NPFFR2: variants seen among roughly 807,000 people sequenced by gnomAD.
NPFFR2 encodes the protein G-protein coupled receptor 74.
A neutral mutation model predicts 13.1 loss-of-function variants in NPFFR2; 15 were observed. That is an observed-to-expected ratio of 1.15 (90% CI 0.77 to 1.76). The LOEUF is 1.76. NPFFR2 is among the 40% of genes most tolerant of loss of function. The probability of loss-of-function intolerance (pLI) is 0.00; values close to 1 mark genes in which losing one functional copy is unlikely to be tolerated. For missense variants in NPFFR2, 572 were observed against 503.5 expected (o/e 1.14, Z -1.30); for synonymous variants, 190 against 175.7 (o/e 1.08, Z -0.65).
At chr4:72,083,049 A>G (rs570201857) in intron 1 of NPFFR2, among the ~76,000 whole-genome samples, 1 of 151,704 alleles carries the variant, frequency 6.6e-6, no homozygotes, top group South Asian at 2.1e-4. Context: ...ATACATTCAT[A>G]TGTATATGTG....
intron 1 of NPFFR2, among the ~76,000 whole-genome samples, chr4:72,114,239 T>A (rs1222712551): frequency 6.6e-6 from 1 of 152,072 alleles, no homozygotes; most frequent in Non-Finnish European, 1.5e-5. Context: ...AGCACACAGA[T>A]CAAGAAATAT....
intron 1 of NPFFR2, among the ~76,000 whole-genome samples, chr4:72,049,040 A>C (rs1719466271): frequency 6.6e-6 from 1 of 152,098 alleles, no homozygotes; most frequent in Non-Finnish European, 1.5e-5. Flanking sequence ...AAAAGGAAGA[A>C]AGTTCTCATT....
At chr4:72,039,433 T>C in intron 1 of NPFFR2, 1 of 973,424 alleles carries the variant, frequency 1.0e-6, no homozygotes, top group Non-Finnish European at 1.2e-6. Flanking sequence ...CTTAATTGGG[T>C]TCTATTATGT....
chr4:72,049,939 G>A (rs555493041), intron 1 of NPFFR2, among the ~76,000 whole-genome samples: 5 of 151,958 alleles, frequency 3.3e-5, no homozygotes, highest in East Asian at 1.9e-4. Flanking sequence ...TTATGTCAAC[G>A]AAGTGACTTG....
intron 1 of NPFFR2, among the ~76,000 whole-genome samples, chr4:72,108,953 G>C (rs955454035): frequency 6.6e-6 from 1 of 151,998 alleles, no homozygotes; most frequent in Non-Finnish European, 1.5e-5. Flanking sequence ...TTCCTGGGAA[G>C]CATCATTTGC....
intron 1 of NPFFR2, among the ~76,000 whole-genome samples, chr4:72,044,188 C>G (rs1719314584): frequency 6.6e-6 from 1 of 152,166 alleles, no homozygotes; most frequent in African/African-American, 2.4e-5. Flanking sequence ...CCCACTCATG[C>G]AGAATTGTGA....
chr4:72,052,916 T>C (rs1719630437), intron 1 of NPFFR2, among the ~76,000 whole-genome samples: 1 of 151,934 alleles, frequency 6.6e-6, no homozygotes, highest in South Asian at 2.1e-4. Flanking sequence ...TTCAACCAAT[T>C]GACAATCAGA....
chr4:72,142,148 T>G (rs1302493728), intron 3 of NPFFR2, among the ~76,000 whole-genome samples: 1 of 152,220 alleles, frequency 6.6e-6, no homozygotes, highest in South Asian at 2.1e-4. Flanking sequence ...TGATTCTATA[T>G]GTGTCTCTGC....
At chr4:72,081,217 TA>T in intron 1 of NPFFR2, among the ~76,000 whole-genome samples, 1 of 152,316 alleles carries the variant, frequency 6.6e-6, no homozygotes, top group Middle Eastern at 3.4e-3. Flanking sequence ...AAAATTTTAT[TA>T]AAACGATTAT....
intron 1 of NPFFR2, among the ~76,000 whole-genome samples, chr4:72,111,348 G>A (rs1721561852): frequency 6.6e-6 from 1 of 151,978 alleles, no homozygotes; most frequent in African/African-American, 2.4e-5. Context: ...GGCTGTTCCT[G>A]GAAATTGAGA....
chr4:72,140,975 G>A (rs1722597759), intron 3 of NPFFR2, among the ~76,000 whole-genome samples: 1 of 151,480 alleles, frequency 6.6e-6, no homozygotes, highest in Non-Finnish European at 1.5e-5. Flanking sequence ...TCAACTTCTT[G>A]GTTTAGTCTT....
intron 1 of NPFFR2, among the ~76,000 whole-genome samples, chr4:72,125,006 T>C (rs143723213): frequency 6.6e-6 from 1 of 151,894 alleles, no homozygotes; most frequent in East Asian, 1.9e-4. Context: ...TGGGAGAAAA[T>C]TTTTGCAATC....
chr4:72,081,211 T>A (rs927947030), intron 1 of NPFFR2, among the ~76,000 whole-genome samples: 35 of 152,264 alleles, frequency 2.3e-4, no homozygotes, highest in Non-Finnish European at 4.0e-4. Flanking sequence ...TAAAAGAAAA[T>A]TTTATTAAAA....
At chr4:72,095,574 T>TA (rs1382978352) in intron 1 of NPFFR2, among the ~76,000 whole-genome samples, 15 of 152,202 alleles carry the variant, frequency 9.9e-5, no homozygotes, top group African/African-American at 3.1e-4. Flanking sequence ...GTATTCAATT[T>TA]AAAAATATTT....
intron 1 of NPFFR2, among the ~76,000 whole-genome samples, chr4:72,090,040 T>C (rs1720873941): frequency 1.3e-5 from 2 of 152,182 alleles, no homozygotes; most frequent in Non-Finnish European, 2.9e-5. Context: ...CTTCTACATG[T>C]GGCTTGCCAA....
intron 1 of NPFFR2, among the ~76,000 whole-genome samples, chr4:72,112,214 T>C (rs1456184438): frequency 6.6e-6 from 1 of 151,884 alleles, no homozygotes; most frequent in African/African-American, 2.4e-5. Context: ...ACTATAATAA[T>C]TTGAGTGAAC....
intron 1 of NPFFR2, among the ~76,000 whole-genome samples, chr4:72,085,778 C>T (rs546658403): frequency 6.6e-6 from 1 of 152,248 alleles, no homozygotes; most frequent in Non-Finnish European, 1.5e-5. Context: ...CTCTTCAGCA[C>T]ATGATTTTTT....
chr4:72,032,332 T>C (rs749171218), intron 1 of NPFFR2, 132 bp downstream of exon 1: 58 of 1,028,968 alleles, frequency 5.6e-5, no homozygotes, highest in Non-Finnish European at 7.7e-5. Context: ...AATCCCTTCC[T>C]AATTACACAG....
chr4:72,143,405 T>G (rs1180348007), intron 3 of NPFFR2, among the ~76,000 whole-genome samples: 4 of 152,100 alleles, frequency 2.6e-5, no homozygotes, highest in Non-Finnish European at 4.4e-5. Flanking sequence ...CAGGAGAATA[T>G]GATATGAGAT....
Sources: gnomAD v4.1 joint callset for allele counts (sites outside exome capture counted in the v4.1 genomes callset) on GRCh38, gnomAD v4.1.1 for gene constraint, MANE v1.5 for transcripts, NCBI Gene and HGNC (gene_info 2026-07-23, HGNC 2026-07-21) for gene names.